Variants in PEX5L observed in about 807,000 individuals in gnomAD.
PEX5L encodes peroxisomal biogenesis factor 5 like.
In PEX5L, 30 loss-of-function variants were observed where a neutral mutation model predicts 84.0. The ratio of observed to expected loss-of-function variants is 0.36; its 90% confidence interval spans 0.27 to 0.48. PEX5L has a LOEUF of 0.48. Among genes scored for constraint, PEX5L ranks in the 20% least tolerant of loss-of-function variants. PEX5L has a pLI of 0.99. For missense variants in PEX5L, 533 were observed against 754.6 expected, an observed-to-expected ratio of 0.71 and a Z score of 3.44; for synonymous variants, 270 against 283.1, an observed-to-expected ratio of 0.95 and a Z score of 0.46.
intron 1 of PEX5L, among the ~76,000 whole-genome samples, chr3:179,980,064 T>C (rs921152671): frequency 4.6e-5 from 7 of 152,230 alleles, no homozygotes; most frequent in African/African-American, 1.7e-4. Context: ...ATAGGCATTC[T>C]GTATCCTCAC....
chr3:179,924,712 A>T (rs549933077), intron 2 of PEX5L, among the ~76,000 whole-genome samples: 3 of 152,282 alleles, frequency 2.0e-5, no homozygotes, highest in Admixed American at 1.3e-4. Context: ...ATCTCTTAGG[A>T]CCATGGAAAT....
At chr3:179,847,076 T>TGC in intron 8 of PEX5L, among the ~76,000 whole-genome samples, 1 of 68,464 alleles carries the variant, frequency 1.5e-5, no homozygotes, top group Non-Finnish European at 3.4e-5. Context: ...TGTGTGTGTG[T>TGC]GTGTGTATAT....
chr3:179,897,458 C>T (rs1406306932), intron 3 of PEX5L, among the ~76,000 whole-genome samples: 3 of 152,200 alleles, frequency 2.0e-5, no homozygotes, highest in African/African-American at 7.2e-5. Context: ...TTCACAGTCT[C>T]CACATGTCTT....
intron 2 of PEX5L, among the ~76,000 whole-genome samples, chr3:179,964,052 T>C (rs1033516610): frequency 6.6e-6 from 1 of 152,130 alleles, no homozygotes; most frequent in African/African-American, 2.4e-5. Context: ...GATTATTTCA[T>C]TATCCATTAA....
chr3:179,828,348 T>A (rs1412057667), intron 8 of PEX5L, among the ~76,000 whole-genome samples: 1 of 152,182 alleles, frequency 6.6e-6, no homozygotes, highest in East Asian at 1.9e-4. Flanking sequence ...TTCTCCCTTC[T>A]CATCCTGGAT....
intron 8 of PEX5L, among the ~76,000 whole-genome samples, chr3:179,840,183 GT>G (rs71182521): frequency 0.012 from 921 of 78,576 alleles, 5 homozygotes; most frequent in African/African-American, 0.038. Flanking sequence ...GTGTGTGTGT[GT>G]TTTTTTTTTT....
Position 180,018,813 on chromosome 3 carries a change from C to T in PEX5L, c.21+17766G>A, listed in dbSNP as rs185132398. On this transcript the variant is annotated intron_variant, in intron 1 of 14. Coordinates refer to ENST00000467460, the MANE Select transcript of PEX5L (RefSeq NM_016559.3). ...CAGTTGCTATGCTTCTCAAAGGGCT[C>T]CCCCTGCCTCTGAGATGGCTCTCTA... is the stretch of plus-strand genomic sequence containing the variant. Among the ~76,000 whole-genome samples, 5 of 152,256 alleles carry T rather than the reference C, an allele frequency of 3.3e-5. 1 individual carries two copies. The highest frequency in any genetic ancestry group is 3.3e-4 in the Admixed American group (5 of 15,294).
At chr3:180,002,103 G>C (rs549072038) in intron 1 of PEX5L, among the ~76,000 whole-genome samples, 1 of 151,968 alleles carries the variant, frequency 6.6e-6, no homozygotes, top group Non-Finnish European at 1.5e-5. Context: ...GTTATTCTAG[G>C]TATGAATGTA....
intron 14 of PEX5L, among the ~76,000 whole-genome samples, chr3:179,803,257 G>A (rs1336462263): frequency 6.6e-6 from 1 of 151,954 alleles, no homozygotes; most frequent in Admixed American, 6.6e-5. Flanking sequence ...TTTGTGTTTT[G>A]GAAAATATTT....
At chr3:179,940,552 CTGTTTCTT>C (rs933104610) in intron 2 of PEX5L, among the ~76,000 whole-genome samples, 6 of 152,164 alleles carry the variant, frequency 3.9e-5, no homozygotes, top group Admixed American at 3.9e-4. Context: ...CATCTGGCTA[CTGTTTCTT>C]TGAAATGGTA....
chr3:179,904,294 TTACAC>T (rs1247606930), intron 2 of PEX5L, among the ~76,000 whole-genome samples: 3 of 152,296 alleles, frequency 2.0e-5, no homozygotes, highest in Middle Eastern at 3.4e-3. Context: ...TAATGAGGAG[TTACAC>T]TAATTACATT....
chr3:179,820,077 A>G (rs1275048089), intron 8 of PEX5L, 101 bp from the exon 9 acceptor site: 2 of 1,545,866 alleles, frequency 1.3e-6, no homozygotes, highest in East Asian at 4.5e-5. Flanking sequence ...TCTGGGGAGG[A>G]ATAAAATGGC....
intron 2 of PEX5L, among the ~76,000 whole-genome samples, chr3:179,934,019 A>T (rs1260537973): frequency 6.6e-6 from 1 of 152,202 alleles, no homozygotes; most frequent in Non-Finnish European, 1.5e-5. Flanking sequence ...AAAAGAAGAA[A>T]CGGATATCCT....
intron 1 of PEX5L, among the ~76,000 whole-genome samples, chr3:180,035,207 T>C (rs947781306): frequency 2.6e-5 from 4 of 152,210 alleles, no homozygotes; most frequent in African/African-American, 9.6e-5. Flanking sequence ...AGTATCATTC[T>C]TGGGTGAAGA....
intron 2 of PEX5L, among the ~76,000 whole-genome samples, chr3:179,933,796 C>T (rs1000582589): frequency 1.6e-4 from 25 of 152,252 alleles, no homozygotes; most frequent in Admixed American, 1.5e-3. Context: ...GCCTCACCCT[C>T]AGATATTCTG....
rs980351055 is a variant in PEX5L, at chr3:180,027,321, T to C, written c.21+9258A>G. 9.2e-5 allele frequency among the ~76,000 whole-genome samples: 14 copies of C among 152,310 alleles called. No individual in the cohort carries two copies. In the South Asian group the frequency reaches 2.5e-3, roughly 27 times the overall value. ...ATCTAGAAGTCTGCCAGTGCCCCAA[T>C]GTACTTTTTTTCCAACACATTATTT... is the stretch of plus-strand genomic sequence containing the variant. On this transcript the variant is annotated intron_variant, in intron 1 of 14. Transcript: ENST00000467460.
intron 6 of PEX5L, 145 bp from the exon 7 acceptor site, chr3:179,874,568 T>A (rs1259855006): frequency 1.9e-6 from 1 of 538,848 alleles, no homozygotes; most frequent in African/African-American, 1.9e-5. Context: ...ATAAGTTTCA[T>A]GTATTTCTAT....
At chr3:179,918,831 A>G (rs1768200444) in intron 2 of PEX5L, among the ~76,000 whole-genome samples, 1 of 152,198 alleles carries the variant, frequency 6.6e-6, no homozygotes, top group African/African-American at 2.4e-5. Context: ...TATAAGTGCT[A>G]TGCTACAATT....
intron 2 of PEX5L, among the ~76,000 whole-genome samples, chr3:179,960,861 T>C (rs1421105401): frequency 1.3e-5 from 2 of 152,144 alleles, no homozygotes; most frequent in Non-Finnish European, 1.5e-5. Flanking sequence ...TGGGGACACA[T>C]TTAAAGTTTA....
Sources: allele counts gnomAD v4.1 joint callset (sites outside exome capture counted in the v4.1 genomes callset), GRCh38; gene constraint gnomAD v4.1.1; transcripts MANE v1.5; gene names NCBI Gene and HGNC (gene_info 2026-07-23, HGNC 2026-07-21).